The following NBPF9 variants were observed in gnomAD, a reference collection of about 807,000 sequenced individuals.
NBPF9 encodes the protein NBPF member 9.
NBPF9 carries 91 observed loss-of-function variants against 97.8 expected under a neutral mutation model. The ratio of observed to expected loss-of-function variants is 0.93; its 90% confidence interval spans 0.79 to 1.11. The LOEUF (loss-of-function observed/expected upper bound fraction) is 1.11. Among genes scored for constraint, NBPF9 ranks in the 50% least tolerant of loss-of-function variants. The pLI is 0.00. For synonymous variants in NBPF9, 334 were observed against 359.5 expected (o/e 0.93, Z 0.80); for missense variants, 992 against 939.5 (o/e 1.06, Z -0.73).
chr1:149,077,860 T>G, intron 10 of NBPF9, 23 bp downstream of exon 10: 1 of 1,586,938 alleles, frequency 6.3e-7, no homozygotes, highest in Non-Finnish European at 8.6e-7. Flanking sequence ...ACCCATTACT[T>G]GCTCCTGAGT....
At chr1:149,097,889 C>T (rs2081893904) in intron 4 of NBPF9, among the ~76,000 whole-genome samples, 1 of 152,046 alleles carries the variant, frequency 6.6e-6, no homozygotes, top group Non-Finnish European at 1.5e-5. Flanking sequence ...ATGGGAACGG[C>T]CTTCAAAAGT....
At chr1:149,077,523 C>A (rs1339544257) in intron 10 of NBPF9, 104 bp from the exon 11 acceptor site, 1 of 1,487,042 alleles carries the variant, frequency 6.7e-7, no homozygotes, top group African/African-American at 1.4e-5. Context: ...GAGAGTGGTT[C>A]CAGAAAGCAA....
intron 3 of NBPF9, among the ~76,000 whole-genome samples, chr1:149,099,111 C>A (rs1338059969): frequency 1.3e-5 from 2 of 151,828 alleles, no homozygotes; most frequent in Non-Finnish European, 2.9e-5. Context: ...AAGTTTTCAC[C>A]AAGTAATACT....
At chr1:149,089,846 G>T (rs2081301100) in intron 5 of NBPF9, among the ~76,000 whole-genome samples, 1 of 152,264 alleles carries the variant, frequency 6.6e-6, no homozygotes, top group East Asian at 1.9e-4. Context: ...ATTATGGGTT[G>T]AAGAGTACAC....
chr1:149,091,499 A>G (rs2081401440), intron 4 of NBPF9, among the ~76,000 whole-genome samples: 1 of 151,842 alleles, frequency 6.6e-6, no homozygotes. Context: ...CTTTTGACAC[A>G]CAAAACAACA....
At chr1:149,068,453 C>CA (rs1382084414) in intron 17 of NBPF9, among the ~76,000 whole-genome samples, 2 of 147,222 alleles carry the variant, frequency 1.4e-5, no homozygotes, top group Admixed American at 6.7e-5. Context: ...AAATGGAAAA[C>CA]AAAAAAAGGC....
intron 5 of NBPF9, among the ~76,000 whole-genome samples, chr1:149,087,035 T>G (rs2081058524): frequency 6.6e-6 from 1 of 152,014 alleles, no homozygotes; most frequent in Admixed American, 6.6e-5. Flanking sequence ...CACCAACAGG[T>G]GCTATTTTCA....
chr1:149,086,533 G>C (rs1444991516), intron 5 of NBPF9, among the ~76,000 whole-genome samples: 8 of 150,954 alleles, frequency 5.3e-5, no homozygotes, highest in African/African-American at 1.9e-4. Flanking sequence ...ACAAGATAAG[G>C]GCCCCCAGCA....
chr1:149,065,592 T>C (rs1339910920), exon 18 of NBPF9: 1 of 1,608,212 alleles, frequency 6.2e-7, no homozygotes, highest in Non-Finnish European at 8.5e-7. Flanking sequence ...CTGTAAGACT[T>C]GTACGAGGCC....
chr1:149,064,005 C>T (rs1281415451), intron 19 of NBPF9, among the ~76,000 whole-genome samples, 200 bp from the exon 20 acceptor site: 1 of 76,956 alleles, frequency 1.3e-5, no homozygotes, highest in Non-Finnish European at 2.8e-5. Context: ...CACACACACA[C>T]ACACAGACAC....
chr1:149,058,710 A>T (rs1467163761), intron 26 of NBPF9: 5 of 381,634 alleles, frequency 1.3e-5, no homozygotes, highest in Non-Finnish European at 2.3e-5. Context: ...TGCCACAGGC[A>T]TGGCTGGAGA....
exon 10 of NBPF9, chr1:149,077,904 A>C: frequency 6.7e-7 from 1 of 1,485,008 alleles, no homozygotes; most frequent in Non-Finnish European, 9.4e-7. Flanking sequence ...TGATTCCAGT[A>C]CTTTCTCATC....
exon 7 of NBPF9, chr1:149,081,993 G>T (rs1422216215): frequency 4.4e-6 from 7 of 1,604,098 alleles, no homozygotes; most frequent in Admixed American, 1.7e-5. Flanking sequence ...TGGCCAGGAA[G>T]CCGGCCAGTT....
intron 4 of NBPF9, among the ~76,000 whole-genome samples, chr1:149,097,630 C>T (rs374850041): frequency 3.9e-4 from 59 of 149,654 alleles, no homozygotes; most frequent in African/African-American, 1.1e-3. Flanking sequence ...TGGACGGCCA[C>T]GTGAGAAGGA....
downstream of NBPF9, among the ~76,000 whole-genome samples, chr1:149,052,248 G>A (rs587723285): frequency 1.3e-5 from 2 of 152,004 alleles, no homozygotes; most frequent in East Asian, 3.9e-4. Flanking sequence ...TGATAAATTC[G>A]ACTTTATGAA....
rs1262475625 is a variant in NBPF9 at position 149,059,766 on chromosome 1, C to T, written c.2519G>A (p.Arg840Lys). Residue 840 changes from arginine (R) to lysine (K), a missense_variant, in exon 25 of 30, where the codon AGA becomes AAA. This residue lies in a region of NBPF9 where 397 missense variants were observed against 213.6 expected (regional missense o/e 1.86). Transcript: ENST00000584027. Reference sequence around the variant, plus strand: ...TCCCCTTCTTCTTTTCTTCTTTGATCTTCTTCCCCTTCTTTTCTTCCCCTT... The same window carrying T: ...TCCCCTTCTTCTTTTCTTCTTTGATTTTCTTCCCCTTCTTTTCTTCCCCTT... 8.9e-6 allele frequency: 5 copies of T among 564,052 alleles called. 1 individual carries two copies. Among genetic ancestry groups the T allele is most frequent in the African/African-American group, 7.7e-5 (3 of 38,906 alleles). 34.9% of individuals were successfully genotyped at this position (564,052 alleles called of 1,614,324 possible). A position where few individuals can be genotyped will look rare whatever the true frequency, so the allele number is the denominator to read the frequency against.
At chr1:149,061,589 G>A in intron 22 of NBPF9, 1 of 305,386 alleles carries the variant, frequency 3.3e-6, no homozygotes, top group South Asian at 2.9e-5. Flanking sequence ...TCCCCATTCT[G>A]GTAGATCGTT....
rs1442470726 is a variant in NBPF9 at position 149,064,025 on chromosome 1, C to CACACAT, written c.1854-221_1854-220insATGTGT. Among the ~76,000 whole-genome samples, 202 of 122,256 alleles carry CACACAT rather than the reference C, an allele frequency of 1.7e-3. 4 individuals carry two copies. The highest frequency in any genetic ancestry group is 5.3e-3 in the African/African-American group (173 of 32,396). The allele number at this position is 122,256 out of a possible 152,430, so 80.2% of individuals were successfully genotyped here. ...ACACACACACAGACACAGACACACA[C>CACACAT]ACACACACACACAGAGCGAGCTGAG... On this transcript the variant is annotated intron_variant, in intron 19 of 29. Transcript: ENST00000584027.
At chr1:149,092,442 T>C (rs1337164573) in intron 4 of NBPF9, among the ~76,000 whole-genome samples, 1 of 127,678 alleles carries the variant, frequency 7.8e-6, no homozygotes, top group African/African-American at 2.7e-5. Context: ...CAAACTAGAA[T>C]AGGAACTCTT....
Sources: gnomAD v4.1 joint callset for allele counts (sites outside exome capture counted in the v4.1 genomes callset) on GRCh38, gnomAD v4.1.1 for gene constraint, gnomAD v4.1.1 regional missense constraint, MANE v1.5 for transcripts, NCBI Gene and HGNC (gene_info 2026-07-23, HGNC 2026-07-21) for gene names.